The following SNX8 variants were observed in gnomAD, a reference collection of about 807,000 sequenced individuals.
SNX8 encodes the protein sorting nexin 8.
SNX8 carries 25 observed loss-of-function variants against 51.6 expected under a neutral mutation model. The observed-to-expected ratio is 0.48, with a 90% CI of 0.35 to 0.68. The LOEUF (loss-of-function observed/expected upper bound fraction) is 0.68, where lower values mean the gene tolerates loss of function less well. SNX8 is among the 30% of genes least tolerant of loss of function. SNX8 has a pLI of 0.00. For synonymous variants in SNX8, 324 were observed against 277.0 expected (o/e 1.17, Z -1.68); for missense variants, 695 against 624.0 (o/e 1.11, Z -1.21).
chr7:2,346,921 C>CAAAAA (rs758069233), intron 1 of SNX8, among the ~76,000 whole-genome samples: 5 of 49,760 alleles, frequency 1.0e-4, no homozygotes, highest in Non-Finnish European at 2.0e-4. Context: ...GACTCCGTCT[C>CAAAAA]AAAAAAAAAA....
chr7:2,317,409 C>G (rs1796774565), upstream of SNX8, among the ~76,000 whole-genome samples: 1 of 151,206 alleles, frequency 6.6e-6, no homozygotes, highest in African/African-American at 2.4e-5. Context: ...TCCCGTGTAG[C>G]TGGTATTACA....
intron 1 of SNX8, among the ~76,000 whole-genome samples, chr7:2,333,301 G>A (rs1778772214): frequency 1.3e-5 from 2 of 152,280 alleles, no homozygotes; most frequent in Middle Eastern, 3.4e-3. Flanking sequence ...AGTGGCTCAC[G>A]CCTATAATCC....
intron 1 of SNX8, among the ~76,000 whole-genome samples, chr7:2,296,822 C>T (rs889580938): frequency 2.0e-5 from 3 of 151,588 alleles, no homozygotes; most frequent in Admixed American, 2.0e-4. Flanking sequence ...CCCAGCTACT[C>T]AGGAGGCTGA....
intron 1 of SNX8, among the ~76,000 whole-genome samples, chr7:2,332,856 AAGAG>A (rs561980365): frequency 1.7e-4 from 25 of 151,026 alleles, no homozygotes; most frequent in African/African-American, 3.4e-4. Context: ...GGGAGGGAAA[AAGAG>A]AGAGAGAGAA....
chr7:2,269,437 C>T, intron 5 of SNX8, 122 bp downstream of exon 5: 1 of 475,908 alleles, frequency 2.1e-6, no homozygotes, highest in South Asian at 2.8e-5. Context: ...TGTTTATCTG[C>T]TGACCTTCCC....
At chr7:2,313,152 G>A (rs892965469) in intron 1 of SNX8, among the ~76,000 whole-genome samples, 2 of 151,932 alleles carry the variant, frequency 1.3e-5, no homozygotes, top group African/African-American at 4.8e-5. Context: ...GCCCGCCTCG[G>A]CCTCCCAAAG....
At chr7:2,265,250 G>C (rs561543298) in intron 5 of SNX8, among the ~76,000 whole-genome samples, 5 of 152,192 alleles carry the variant, frequency 3.3e-5, no homozygotes, top group Admixed American at 6.5e-5. Flanking sequence ...TGAGGCAGGA[G>C]AATGGCATGA....
At chr7:2,326,593 G>A (rs1331388408) in intron 1 of SNX8, among the ~76,000 whole-genome samples, 5 of 151,878 alleles carry the variant, frequency 3.3e-5, no homozygotes, top group Non-Finnish European at 5.9e-5. Context: ...TTGAACCCAG[G>A]AGGCAGAGCT....
At chr7:2,352,409 C>T (rs552341548) in intron 1 of SNX8, among the ~76,000 whole-genome samples, 1 of 151,998 alleles carries the variant, frequency 6.6e-6, no homozygotes, top group Non-Finnish European at 1.5e-5. Context: ...GAAAATTTGA[C>T]AGAGAGAGAC....
chr7:2,351,025 G>A (rs778043561), intron 1 of SNX8, among the ~76,000 whole-genome samples: 2 of 152,128 alleles, frequency 1.3e-5, no homozygotes, highest in Non-Finnish European at 2.9e-5. Flanking sequence ...AGGAGGCGGC[G>A]GGAGGATCAC....
chr7:2,260,510 C>T (rs1024196973), intron 7 of SNX8, among the ~76,000 whole-genome samples: 22 of 152,158 alleles, frequency 1.4e-4, no homozygotes, highest in African/African-American at 5.1e-4. Context: ...CGCCTTTAAC[C>T]AAGGCGAAGA....
chr7:2,295,402 CAA>C (rs35446427), intron 1 of SNX8, among the ~76,000 whole-genome samples: 19 of 91,878 alleles, frequency 2.1e-4, no homozygotes, highest in African/African-American at 3.9e-4. Flanking sequence ...TACTCCATCT[CAA>C]AAAAAAAAAA....
intron 3 of SNX8, among the ~76,000 whole-genome samples, chr7:2,274,235 C>G (rs573027988): frequency 1.6e-4 from 25 of 152,368 alleles, no homozygotes; most frequent in African/African-American, 3.8e-4. Context: ...TCATCAGACC[C>G]TGGGCTGCTT....
chr7:2,322,982 A>C lies in SNX8; in HGVS notation c.-66+31240T>G, dbSNP rs564423810. Among the ~76,000 whole-genome samples, 3 of 151,936 alleles carry C rather than the reference A, an allele frequency of 2.0e-5. No individual in the cohort carries two copies. In the East Asian group the frequency reaches 5.8e-4, roughly 29 times the overall value. ...CAGTAAGCCGAGATCTTGCTGCTGC[A>C]CTCCAGCCTGGGCAACAGAACAAGA... On this transcript the variant is annotated intron_variant, in intron 1 of 5. Coordinates refer to the SNX8 transcript ENST00000435336.
intron 1 of SNX8, among the ~76,000 whole-genome samples, chr7:2,345,636 C>A (rs1199311724): frequency 6.6e-6 from 1 of 151,488 alleles, no homozygotes; most frequent in Admixed American, 6.6e-5. Context: ...CAAGATCGTG[C>A]CACTACACAC....
At chr7:2,348,824 C>T (rs904675499) in intron 1 of SNX8, among the ~76,000 whole-genome samples, 3 of 151,400 alleles carry the variant, frequency 2.0e-5, no homozygotes, top group Admixed American at 6.6e-5. Flanking sequence ...TAGTGGTGTG[C>T]GCCTGTAATC....
At chr7:2,343,031 G>A (rs904826199) in intron 1 of SNX8, among the ~76,000 whole-genome samples, 1 of 151,788 alleles carries the variant, frequency 6.6e-6, no homozygotes, top group Non-Finnish European at 1.5e-5. Flanking sequence ...CTGACCTTAG[G>A]TGATCCACCT....
upstream of SNX8, among the ~76,000 whole-genome samples, chr7:2,314,672 C>A (rs1418280556): frequency 6.6e-6 from 1 of 152,194 alleles, no homozygotes; most frequent in East Asian, 1.9e-4. Context: ...AGGTTACCTC[C>A]CCTCAGGTTG....
At chr7:2,341,402 G>C (rs1234883883) in intron 1 of SNX8, among the ~76,000 whole-genome samples, 2 of 151,682 alleles carry the variant, frequency 1.3e-5, no homozygotes, top group Non-Finnish European at 2.9e-5. Context: ...GGGAGGCTGA[G>C]GCAGGAGAAT....
Sources: allele counts gnomAD v4.1 joint callset (sites outside exome capture counted in the v4.1 genomes callset), GRCh38; gene constraint gnomAD v4.1.1; transcripts MANE v1.5; gene names NCBI Gene and HGNC (gene_info 2026-07-23, HGNC 2026-07-21).